RAPGEF2: variants seen among roughly 807,000 people sequenced by gnomAD.
The protein encoded by RAPGEF2 is PDZ domain containing guanine nucleotide exchange factor (GEF) 1.
In RAPGEF2, 54 loss-of-function variants were observed where a neutral mutation model predicts 186.7. That is an observed-to-expected ratio of 0.29 (90% CI 0.23 to 0.36). The LOEUF is 0.36. RAPGEF2 is among the 10% of genes least tolerant of loss of function. RAPGEF2 has a pLI of 1.00. For synonymous variants in RAPGEF2, 712 were observed against 705.9 expected, an observed-to-expected ratio of 1.01 and a Z score of -0.14; for missense variants, 1,532 against 2,045.0, an observed-to-expected ratio of 0.75 and a Z score of 4.84.
chr4:159,217,099 G>T (rs771100467), intron 4 of RAPGEF2, among the ~76,000 whole-genome samples: 3 of 152,048 alleles, frequency 2.0e-5, no homozygotes, highest in Non-Finnish European at 4.4e-5. Flanking sequence ...TAAAACAATG[G>T]ATGAGTGGTT....
At chr4:159,214,334 G>T (rs1210340367) in intron 4 of RAPGEF2, among the ~76,000 whole-genome samples, 2 of 152,140 alleles carry the variant, frequency 1.3e-5, no homozygotes, top group African/African-American at 4.8e-5. Context: ...AGAAGAAGGA[G>T]TTTTTCCTAC....
At chr4:159,297,255 AAC>A (rs919539121) in intron 7 of RAPGEF2, among the ~76,000 whole-genome samples, 1 of 152,148 alleles carries the variant, frequency 6.6e-6, no homozygotes, top group African/African-American at 2.4e-5. Flanking sequence ...CCCCCAAAAA[AAC>A]ACACAACACA....
chr4:159,342,983 C>T lies in RAPGEF2; in HGVS notation c.2923C>T (p.Leu975=), dbSNP rs1729771281. The part of the protein sequence containing the change: ...FNSMFAIISG[L]NLAPVARLRT... ...TGTTTCTTTTTCTCCTCTCAGTGGCCTAAACCTGGCACCAGTGGCAAGACT... is the reference window on the plus strand; with the variant it reads ...TGTTTCTTTTTCTCCTCTCAGTGGCTTAAACCTGGCACCAGTGGCAAGACT... The change falls in exon 21 of 30, where the codon CTA becomes TTA. Residue 975 remains leucine (L), a synonymous_variant. Coordinates refer to ENST00000691494, the MANE Select transcript of RAPGEF2 (RefSeq NM_001394067.2). The T allele has an allele frequency of 6.2e-7, 1 of 1,613,666 alleles. No homozygotes were observed. Among genetic ancestry groups the T allele is most frequent in the South Asian group, 1.1e-5 (1 of 91,050 alleles).
At chr4:159,260,437 T>G (rs189683078) in intron 7 of RAPGEF2, among the ~76,000 whole-genome samples, 208 of 152,208 alleles carry the variant, frequency 1.4e-3, no homozygotes, top group African/African-American at 4.8e-3. Flanking sequence ...TTTCCTATGA[T>G]TCTATATTAT....
At chr4:159,314,895 A>C in intron 9 of RAPGEF2, 127 bp downstream of exon 9, 1 of 911,072 alleles carries the variant, frequency 1.1e-6, no homozygotes, top group South Asian at 2.3e-5. Context: ...TCCTTTGTAT[A>C]AACAGTAGTA....
At chr4:159,182,850 A>T (rs763765053) in intron 1 of RAPGEF2, among the ~76,000 whole-genome samples, 2 of 152,226 alleles carry the variant, frequency 1.3e-5, no homozygotes, top group Non-Finnish European at 1.5e-5. Flanking sequence ...AATTAAAAGG[A>T]TTAAAATTTA....
intron 1 of RAPGEF2, among the ~76,000 whole-genome samples, chr4:159,117,615 C>A (rs1275655331): frequency 6.6e-6 from 1 of 150,668 alleles, no homozygotes. Flanking sequence ...AAATTCATAT[C>A]TTTAATTTTA....
intron 1 of RAPGEF2, among the ~76,000 whole-genome samples, chr4:159,125,574 C>A (rs1024542616): frequency 6.6e-6 from 1 of 151,826 alleles, no homozygotes; most frequent in Non-Finnish European, 1.5e-5. Context: ...CTGGCTAACA[C>A]GGTGAAACCC....
intron 3 of RAPGEF2, among the ~76,000 whole-genome samples, chr4:159,208,720 A>C (rs1750206261): frequency 6.6e-6 from 1 of 152,216 alleles, no homozygotes; most frequent in Non-Finnish European, 1.5e-5. Flanking sequence ...CTAACTAATA[A>C]ATTTGATGCA....
At chr4:159,345,358 C>A in intron 24 of RAPGEF2, 29 bp downstream of exon 24, 4 of 1,605,508 alleles carry the variant, frequency 2.5e-6, no homozygotes, top group Non-Finnish European at 3.4e-6. Context: ...TGGCTGCAGA[C>A]TTTGGCTAGG....
intron 1 of RAPGEF2, among the ~76,000 whole-genome samples, chr4:159,139,056 T>G (rs1462091750): frequency 6.6e-6 from 1 of 152,126 alleles, no homozygotes; most frequent in African/African-American, 2.4e-5. Context: ...GTCATAATGG[T>G]GTAAAGCTCT....
At chr4:159,178,180 T>C (rs1466592677) in intron 1 of RAPGEF2, among the ~76,000 whole-genome samples, 2 of 152,166 alleles carry the variant, frequency 1.3e-5, no homozygotes, top group East Asian at 1.9e-4. Flanking sequence ...GAAAAAGATA[T>C]GTCTTTTTTC....
At chr4:159,153,801 A>G (rs1348851562) in intron 1 of RAPGEF2, among the ~76,000 whole-genome samples, 1 of 152,184 alleles carries the variant, frequency 6.6e-6, no homozygotes, top group Non-Finnish European at 1.5e-5. Flanking sequence ...GGCTGTTCAG[A>G]GACGGGTACT....
intron 7 of RAPGEF2, among the ~76,000 whole-genome samples, chr4:159,262,991 A>G (rs1757044386): frequency 6.6e-6 from 1 of 152,164 alleles, no homozygotes; most frequent in Non-Finnish European, 1.5e-5. Flanking sequence ...AGCATTTCCT[A>G]TGTGTCAGCC....
At chr4:159,128,172 A>T (rs1560990476) in intron 1 of RAPGEF2, among the ~76,000 whole-genome samples, 1 of 152,194 alleles carries the variant, frequency 6.6e-6, no homozygotes, top group African/African-American at 2.4e-5. Flanking sequence ...AAGAAGAAAA[A>T]ATACTGAGAC....
chr4:159,345,729 T>C (rs186582785), intron 24 of RAPGEF2, among the ~76,000 whole-genome samples: 1 of 152,182 alleles, frequency 6.6e-6, no homozygotes. Flanking sequence ...TGGCTGCCTT[T>C]TAACCACTAG....
intron 1 of RAPGEF2, among the ~76,000 whole-genome samples, chr4:159,147,309 GT>G (rs1359857001): frequency 1.3e-5 from 2 of 151,640 alleles, no homozygotes; most frequent in African/African-American, 4.8e-5. Context: ...AAAAGAAATG[GT>G]TTGAAGTGTA....
At chr4:159,268,629 G>A (rs1353647676) in intron 7 of RAPGEF2, among the ~76,000 whole-genome samples, 1 of 152,168 alleles carries the variant, frequency 6.6e-6, no homozygotes, top group Non-Finnish European at 1.5e-5. Flanking sequence ...GAGTGTAGGA[G>A]GGAGAGCTTT....
At chr4:159,337,408 T>C (rs1767577023) in intron 17 of RAPGEF2, among the ~76,000 whole-genome samples, 2 of 152,210 alleles carry the variant, frequency 1.3e-5, no homozygotes, top group Non-Finnish European at 2.9e-5. Flanking sequence ...TCTTCAACTA[T>C]TGAAGGTCAG....
Sources: gnomAD v4.1 joint callset for allele counts (sites outside exome capture counted in the v4.1 genomes callset) on GRCh38, gnomAD v4.1.1 for gene constraint, MANE v1.5 for transcripts, NCBI Gene and HGNC (gene_info 2026-07-23, HGNC 2026-07-21) for gene names.